SLAIN2: variants seen among roughly 807,000 people sequenced by gnomAD.
SLAIN2 encodes the protein SLAIN motif-containing protein 2.
In SLAIN2, 31 loss-of-function variants were observed where a neutral mutation model predicts 56.6. That is an observed-to-expected ratio of 0.55 (90% confidence interval 0.41 to 0.74). The LOEUF (loss-of-function observed/expected upper bound fraction) is 0.74, where lower values mean the gene tolerates loss of function less well. Among genes scored for constraint, SLAIN2 ranks in the 30% least tolerant of loss-of-function variants. The pLI, the probability that SLAIN2 is intolerant of heterozygous loss-of-function variation, is 0.00. For missense variants in SLAIN2, 777 were observed against 754.2 expected, an observed-to-expected ratio of 1.03 and a Z score of -0.35; for synonymous variants, 317 against 284.9, an observed-to-expected ratio of 1.11 and a Z score of -1.13.
At chr4:48,374,548 A>G (rs1320006205) in intron 2 of SLAIN2, among the ~76,000 whole-genome samples, 1 of 152,156 alleles carries the variant, frequency 6.6e-6, no homozygotes, top group Non-Finnish European at 1.5e-5. Flanking sequence ...CACCCGGCCA[A>G]TTGTGGACTT....
intron 6 of SLAIN2, among the ~76,000 whole-genome samples, chr4:48,392,595 A>G (rs1280343930): frequency 6.6e-6 from 1 of 152,072 alleles, no homozygotes; most frequent in Non-Finnish European, 1.5e-5. Flanking sequence ...GTCCTATCTC[A>G]GTATCTTTTT....
At chr4:48,410,076 A>G (rs1219733882) in intron 6 of SLAIN2, among the ~76,000 whole-genome samples, 2 of 152,170 alleles carry the variant, frequency 1.3e-5, no homozygotes, top group African/African-American at 4.8e-5. Context: ...CCAGCACTGT[A>G]TGAGGGTTCC....
chr4:48,351,742 T>G (rs1003962267), intron 1 of SLAIN2, among the ~76,000 whole-genome samples: 7 of 152,254 alleles, frequency 4.6e-5, no homozygotes, highest in Non-Finnish European at 1.0e-4. Context: ...AAATATTTGT[T>G]TAAATTACTG....
chr4:48,381,909 C>T (rs887722178), intron 4 of SLAIN2, among the ~76,000 whole-genome samples: 1 of 151,988 alleles, frequency 6.6e-6, no homozygotes. Context: ...TTGAAGGGCT[C>T]CCAAGGTTGC....
intron 1 of SLAIN2, among the ~76,000 whole-genome samples, chr4:48,350,741 G>A (rs1212359973): frequency 6.6e-6 from 1 of 152,172 alleles, no homozygotes; most frequent in Admixed American, 6.5e-5. Context: ...TAAGAGGAAG[G>A]CTTTAAACTA....
intron 4 of SLAIN2, among the ~76,000 whole-genome samples, chr4:48,380,953 A>T (rs1335770742): frequency 6.6e-6 from 1 of 152,200 alleles, no homozygotes; most frequent in African/African-American, 2.4e-5. Flanking sequence ...CCCTAGGAAG[A>T]TAGAAGGACT....
chr4:48,383,972 A>G (rs750374278), intron 6 of SLAIN2, 188 bp downstream of exon 6: 4 of 585,164 alleles, frequency 6.8e-6, no homozygotes, highest in South Asian at 2.9e-5. Context: ...AAAATTTTCT[A>G]TGTAGGATAC....
At chr4:48,363,772 C>T (rs1466944646) in intron 1 of SLAIN2, among the ~76,000 whole-genome samples, 19 of 127,398 alleles carry the variant, frequency 1.5e-4, no homozygotes, top group Admixed American at 6.7e-4. Context: ...CCCTCCCGGA[C>T]GGGGCGGCTG....
At chr4:48,410,191 T>C (rs1253789677) in intron 6 of SLAIN2, among the ~76,000 whole-genome samples, 1 of 152,252 alleles carries the variant, frequency 6.6e-6, no homozygotes, top group Middle Eastern at 3.4e-3. Context: ...GCATGAGTAA[T>C]GTTGAGCATC....
intron 1 of SLAIN2, among the ~76,000 whole-genome samples, chr4:48,361,405 AAAG>A (rs781018836): frequency 2.0e-5 from 3 of 152,218 alleles, no homozygotes; most frequent in Non-Finnish European, 4.4e-5. Flanking sequence ...AAATGAAGCT[AAAG>A]AAGAACTACA....
rs1354830224 is a variant in SLAIN2 at position 48,342,005 on chromosome 4, A to G, written c.266A>G (p.Glu89Gly). The G allele has an allele frequency of 1.4e-6, 2 of 1,421,486 alleles. No homozygotes were observed. Among genetic ancestry groups the G allele is most frequent in the East Asian group, 3.0e-5 (1 of 33,094 alleles). The allele number at this position is 1,421,486 out of a possible 1,614,324, so 88.1% of individuals were successfully genotyped here. A position where few individuals can be genotyped will look rare whatever the true frequency, so the allele number is the denominator to read the frequency against. The part of the protein sequence containing the change: ...PGSGPRRTSS[E>G]ELRDATSLLA... Reference sequence around the variant, plus strand: ...TCGGGCCCGAGGCGGACGAGTAGCGAAGAGCTGCGGGACGCCACCTCCTTG... The same window carrying G: ...TCGGGCCCGAGGCGGACGAGTAGCGGAGAGCTGCGGGACGCCACCTCCTTG... The change falls in exon 1 of 8, where the codon GAA becomes GGA. Residue 89 changes from glutamate to glycine, a missense_variant. Glu to Gly is a moderately conservative substitution (Grantham distance 98, BLOSUM62 -2). Coordinates refer to ENST00000264313, the MANE Select transcript of SLAIN2 (RefSeq NM_020846.2).
chr4:48,390,286 C>G (rs1163766644), intron 6 of SLAIN2, among the ~76,000 whole-genome samples: 3 of 151,856 alleles, frequency 2.0e-5, no homozygotes, highest in African/African-American at 7.3e-5. Context: ...ACCATGTTGG[C>G]TAGGCTGGTC....
At position 48,376,639 on chromosome 4, in the gene SLAIN2, T is replaced by G. The variant is rs868590416; in HGVS notation, c.539-1257T>G. On this transcript the variant is annotated intron_variant, in intron 2 of 7. Coordinates refer to ENST00000264313, the MANE Select transcript of SLAIN2 (RefSeq NM_020846.2). ...GTTGACTTTTTTTTTTTTTTTTTTT[T>G]GAGACGGAGTCTCGCTCTGTCACCC... Among the ~76,000 whole-genome samples the G allele has an allele frequency of 8.7e-3, 890 of 102,366 alleles. 3 individuals are homozygous for G. Among genetic ancestry groups the G allele is most frequent in the African/African-American group, 0.034 (839 of 24,498 alleles). The allele number at this position is 102,366 out of a possible 152,430, so 67.2% of individuals were successfully genotyped here.
At chr4:48,349,539 A>G (rs1253581106) in intron 1 of SLAIN2, among the ~76,000 whole-genome samples, 2 of 152,230 alleles carry the variant, frequency 1.3e-5, no homozygotes, top group African/African-American at 2.4e-5. Flanking sequence ...AAATTAGCCA[A>G]AATACTGGCA....
intron 1 of SLAIN2, among the ~76,000 whole-genome samples, chr4:48,365,819 T>C (rs923154120): frequency 2.0e-5 from 3 of 152,188 alleles, no homozygotes; most frequent in Non-Finnish European, 4.4e-5. Context: ...AGCCTCGGCC[T>C]CCCAAAGTAC....
Position 48,341,543 on chromosome 4 carries a change from CGCAGATGAGGCAG to C in SLAIN2, c.-196_-184del. 1.4e-6 allele frequency: 1 copy of C among 723,180 alleles called. No homozygotes were observed. The highest frequency in any genetic ancestry group is 3.0e-5 in the South Asian group (1 of 32,878). The allele number at this position is 723,180 out of a possible 1,614,324, so 44.8% of individuals were successfully genotyped here. ...CCGCCTCCCCCAATCCCGGAGCCGG[CGCAGATGAGGCAG>C]TTCGGCTGGGGCCAGCGGCGCTTTG... On this transcript the variant is annotated 5_prime_UTR_variant, in exon 1 of 8. It removes an upstream start codon present in the reference 5' UTR. Transcript: ENST00000264313.
At chr4:48,342,505 A>G (rs1240105690) in intron 1 of SLAIN2, among the ~76,000 whole-genome samples, 1 of 151,998 alleles carries the variant, frequency 6.6e-6, no homozygotes, top group Non-Finnish European at 1.5e-5. Context: ...GGCCCTGGGC[A>G]TTCTGGATGT....
intron 2 of SLAIN2, 123 bp downstream of exon 2, chr4:48,370,120 TATC>T (rs1163023694): frequency 7.4e-6 from 7 of 940,060 alleles, no homozygotes; most frequent in East Asian, 2.7e-5. Flanking sequence ...TCATTGTTCA[TATC>T]ATCATGAGAG....
intron 6 of SLAIN2, among the ~76,000 whole-genome samples, chr4:48,406,525 CTTTTT>C (rs34797619): frequency 2.2e-4 from 30 of 135,082 alleles, no homozygotes; most frequent in Non-Finnish European, 3.1e-4. Context: ...CTCTCTCTCT[CTTTTT>C]TTTTTTTTTT....
Sources: gnomAD v4.1 joint callset for allele counts (sites outside exome capture counted in the v4.1 genomes callset) on GRCh38, gnomAD v4.1.1 for gene constraint, MANE v1.5 for transcripts, NCBI Gene and HGNC (gene_info 2026-07-23, HGNC 2026-07-21) for gene names.